LRGUK: variants seen among roughly 807,000 people sequenced by gnomAD.
LRGUK encodes leucine-rich repeat and guanylate kinase domain-containing protein.
In LRGUK, 65 loss-of-function variants were observed where a neutral mutation model predicts 76.0. The ratio of observed to expected loss-of-function variants is 0.85; its 90% CI spans 0.70 to 1.05. LRGUK has a LOEUF of 1.05. Among genes scored for constraint, LRGUK ranks in the 50% least tolerant of loss-of-function variants. The probability of loss-of-function intolerance (pLI) is 0.00; values close to 1 mark genes in which losing one functional copy is unlikely to be tolerated. For synonymous variants in LRGUK, 268 were observed against 265.6 expected (o/e 1.01, Z -0.09); for missense variants, 758 against 732.8 (o/e 1.03, Z -0.40).
chr7:134,164,600 A>T (rs552227021), intron 7 of LRGUK, among the ~76,000 whole-genome samples: 42 of 152,204 alleles, frequency 2.8e-4, no homozygotes, highest in Non-Finnish European at 4.6e-4. Context: ...GAATGCTTTC[A>T]TAAGGAAGTT....
intron 12 of LRGUK, among the ~76,000 whole-genome samples, chr7:134,194,773 C>G (rs1403116034): frequency 6.6e-6 from 1 of 152,144 alleles, no homozygotes; most frequent in Non-Finnish European, 1.5e-5. Flanking sequence ...AAGAAATTGG[C>G]ACACATGGGT....
chr7:134,229,088 T>A (rs997962645), intron 16 of LRGUK, among the ~76,000 whole-genome samples: 14 of 152,150 alleles, frequency 9.2e-5, no homozygotes, highest in African/African-American at 3.4e-4. Flanking sequence ...TAAAAATATA[T>A]TTTCAGGCCA....
At position 134,256,530 on chromosome 7, in the gene LRGUK, A is replaced by G. The variant is rs531290881; in HGVS notation, c.2199-1727A>G. 1.6e-3 allele frequency among the ~76,000 whole-genome samples: 248 copies of G among 150,852 alleles called. 1 individual carries two copies. The highest frequency in any genetic ancestry group is 5.8e-3 in the African/African-American group (238 of 40,944). ...TAGTTTTCCAAGCCAGCATCTTTCT[A>G]TCATTCCTGAAGTTTACTTTGACTG... On this transcript the variant is annotated intron_variant, in intron 18 of 19. Coordinates refer to the LRGUK transcript ENST00000285928.
chr7:134,176,915 C>G lies in LRGUK; in HGVS notation c.1021-62C>G, dbSNP rs1799504368. 7 of 961,212 alleles carry G rather than the reference C, an allele frequency of 7.3e-6. No homozygotes were observed. In the South Asian group the frequency reaches 1.0e-4, roughly 14 times the overall value. 59.5% of individuals were successfully genotyped at this position (961,212 alleles called of 1,614,324 possible). On this transcript the variant is annotated intron_variant, in intron 8 of 15. Transcript: ENST00000645682. The stretch of plus-strand genomic sequence containing the variant: ...GGCCCAAGCTCATGAAAACCCAATG[C>G]TGGTGCTTGTTGATTTGGGAAAAGG...
intron 12 of LRGUK, among the ~76,000 whole-genome samples, chr7:134,193,303 A>G (rs907321701): frequency 6.6e-6 from 1 of 152,250 alleles, no homozygotes; most frequent in South Asian, 2.1e-4. Flanking sequence ...TCTTGATATT[A>G]GTAAGAAGCA....
At chr7:134,127,759 C>G (rs552336656) in intron 1 of LRGUK, 95 bp downstream of exon 1, 711 of 1,357,488 alleles carry the variant, frequency 5.2e-4, no homozygotes, top group Middle Eastern at 4.6e-3. Context: ...CAGCCCGAAG[C>G]TTCCCACACC....
intron 16 of LRGUK, among the ~76,000 whole-genome samples, chr7:134,230,012 A>C (rs1421813383): frequency 3.9e-5 from 6 of 152,204 alleles, no homozygotes; most frequent in Non-Finnish European, 8.8e-5. Flanking sequence ...AGCATTCATT[A>C]TGAAGGAAAA....
intron 5 of LRGUK, 37 bp from the exon 6 acceptor site, chr7:134,157,998 T>C: frequency 6.3e-7 from 1 of 1,580,076 alleles, no homozygotes; most frequent in Non-Finnish European, 8.7e-7. Context: ...CAAATGCTTT[T>C]AATAACATTT....
intron 13 of LRGUK, among the ~76,000 whole-genome samples, chr7:134,198,319 C>T (rs556742645): frequency 1.3e-5 from 2 of 152,312 alleles, no homozygotes; most frequent in African/African-American, 4.8e-5. Context: ...TTGTGTCTAT[C>T]TTTCACTGTT....
the LRGUK span, among the ~76,000 whole-genome samples, chr7:134,275,333 G>A: frequency 1.3e-5 from 2 of 152,038 alleles, no homozygotes; most frequent in South Asian, 2.1e-4. Flanking sequence ...TATGGTAACT[G>A]TCTCATGGTC....
At chr7:134,202,907 T>TA (rs1357217252) in intron 15 of LRGUK, among the ~76,000 whole-genome samples, 1 of 152,088 alleles carries the variant, frequency 6.6e-6, no homozygotes, top group Non-Finnish European at 1.5e-5. Context: ...ACTGTGTACT[T>TA]AAAAATGGTT....
At chr7:134,204,508 A>G (rs1167338474) in intron 15 of LRGUK, among the ~76,000 whole-genome samples, 2 of 152,218 alleles carry the variant, frequency 1.3e-5, no homozygotes, top group African/African-American at 4.8e-5. Flanking sequence ...TTTGTAATTA[A>G]TGGATCAAAT....
At chr7:134,251,420 G>A (rs1370156345) in intron 18 of LRGUK, among the ~76,000 whole-genome samples, 4 of 152,154 alleles carry the variant, frequency 2.6e-5, no homozygotes, top group Admixed American at 2.6e-4. Context: ...ACCCTGGAAG[G>A]AATCAGCCCT....
At chr7:134,208,393 A>G (rs1309585537) in intron 15 of LRGUK, among the ~76,000 whole-genome samples, 1 of 152,214 alleles carries the variant, frequency 6.6e-6, no homozygotes, top group African/African-American at 2.4e-5. Flanking sequence ...ATTCACTTGG[A>G]AAATGTCTCA....
At chr7:134,128,111 A>G (rs891735888) in intron 1 of LRGUK, among the ~76,000 whole-genome samples, 249 of 5,512 alleles carry the variant, frequency 0.045, 1 homozygote, top group African/African-American at 0.12. Flanking sequence ...CCCTCCAGGA[A>G]AAAAAAAAAA....
rs553871453 is a variant in LRGUK, at chr7:134,255,050, C to A, written c.2199-3207C>A. Among the ~76,000 whole-genome samples the A allele has an allele frequency of 4.6e-5, 7 of 152,164 alleles. No homozygotes were observed. In the East Asian group the frequency reaches 1.3e-3, roughly 29 times the overall value. ...TTTATAATGAGAAGCAATTAGTGAACTTTATTTTTAGGAAATTAATTCAGT... is the reference window on the plus strand; with the variant it reads ...TTTATAATGAGAAGCAATTAGTGAAATTTATTTTTAGGAAATTAATTCAGT... On this transcript the variant is annotated intron_variant, in intron 18 of 19. Coordinates refer to the LRGUK transcript ENST00000285928.
intron 10 of LRGUK, among the ~76,000 whole-genome samples, chr7:134,183,370 T>C (rs1799840891): frequency 6.6e-6 from 1 of 152,262 alleles, no homozygotes; most frequent in African/African-American, 2.4e-5. Context: ...TCAGTAGTTA[T>C]AAATATTTAT....
chr7:134,242,378 T>G (rs1802182632), intron 16 of LRGUK, among the ~76,000 whole-genome samples: 1 of 152,026 alleles, frequency 6.6e-6, no homozygotes, highest in Non-Finnish European at 1.5e-5. Flanking sequence ...GATATCACCA[T>G]GGATCCCACA....
chr7:134,181,611 GGAA>G (rs1325403845), intron 10 of LRGUK, among the ~76,000 whole-genome samples: 1 of 151,832 alleles, frequency 6.6e-6, no homozygotes, highest in East Asian at 1.9e-4. Flanking sequence ...TTCATCTTCA[GGAA>G]GAAGCTCTCT....
Sources: gnomAD v4.1 joint callset for allele counts (sites outside exome capture counted in the v4.1 genomes callset) on GRCh38, gnomAD v4.1.1 for gene constraint, MANE v1.5 for transcripts, NCBI Gene and HGNC (gene_info 2026-07-23, HGNC 2026-07-21) for gene names.